The following KHDRBS2 variants were observed in gnomAD, a reference collection of about 807,000 sequenced individuals.
KHDRBS2 encodes KH domain-containing, RNA-binding, signal transduction-associated protein 2.
KHDRBS2 carries 26 observed loss-of-function variants against 44.3 expected under a neutral mutation model. The observed-to-expected ratio is 0.59, with a 90% CI of 0.43 to 0.81. The LOEUF (loss-of-function observed/expected upper bound fraction) is 0.81. Among genes scored for constraint, KHDRBS2 ranks in the 40% least tolerant of loss-of-function variants. The pLI, the probability that KHDRBS2 is intolerant of heterozygous loss-of-function variation, is 0.00. For synonymous variants in KHDRBS2, 194 were observed against 151.1 expected, an observed-to-expected ratio of 1.28 and a Z score of -2.08; for missense variants, 476 against 433.1, an observed-to-expected ratio of 1.10 and a Z score of -0.88.
chr6:61,814,744 C>G (rs1309387976), intron 6 of KHDRBS2, among the ~76,000 whole-genome samples: 3 of 152,018 alleles, frequency 2.0e-5, no homozygotes, highest in Non-Finnish European at 4.4e-5. Flanking sequence ...AGTGAAAATA[C>G]AGTAGTCTCC....
chr6:61,893,327 G>A (rs1802329209), intron 6 of KHDRBS2, among the ~76,000 whole-genome samples: 1 of 152,204 alleles, frequency 6.6e-6, no homozygotes, highest in African/African-American at 2.4e-5. Flanking sequence ...CAACCATTGT[G>A]GAAGTTGGTG....
intron 4 of KHDRBS2, among the ~76,000 whole-genome samples, chr6:61,944,190 T>C (rs1226547471): frequency 2.0e-5 from 3 of 152,100 alleles, no homozygotes; most frequent in Non-Finnish European, 4.4e-5. Flanking sequence ...AATCATTATA[T>C]CAAAGGAATA....
At chr6:61,575,451 A>C in the KHDRBS2 span, among the ~76,000 whole-genome samples, 13 of 152,184 alleles carry the variant, frequency 8.5e-5, no homozygotes, top group Non-Finnish European at 1.2e-4. Context: ...AAAAATCAAA[A>C]ACTAATAGAT....
intron 2 of KHDRBS2, among the ~76,000 whole-genome samples, chr6:62,066,967 G>A (rs73758647): frequency 0.025 from 3,725 of 151,544 alleles, 164 homozygotes; most frequent in African/African-American, 0.084. Flanking sequence ...GTTTCTTAAG[G>A]TTAAATATTA....
chr6:61,725,761 G>A (rs141233340), intron 7 of KHDRBS2, among the ~76,000 whole-genome samples: 2 of 152,166 alleles, frequency 1.3e-5, no homozygotes, highest in East Asian at 1.9e-4. Flanking sequence ...TTTTATGCCT[G>A]AATAGACTAA....
chr6:61,614,826 C>T, the KHDRBS2 span, among the ~76,000 whole-genome samples: 1 of 152,114 alleles, frequency 6.6e-6, no homozygotes, highest in African/African-American at 2.4e-5. Flanking sequence ...GGCCCTGCAA[C>T]GTAAGAGCTC....
intron 6 of KHDRBS2, among the ~76,000 whole-genome samples, chr6:61,797,727 GT>G (rs1785585390): frequency 6.4e-5 from 1 of 15,574 alleles, no homozygotes; most frequent in South Asian, 2.3e-3. Context: ...ATGGTGTTTT[GT>G]GTGTGTGTGT....
rs558952182 is a variant in KHDRBS2, at chr6:62,176,639, T to C, written c.219+546A>G. 4.6e-4 allele frequency among the ~76,000 whole-genome samples: 70 copies of C among 151,338 alleles called. 1 individual carries two copies. The highest frequency in any genetic ancestry group is 1.6e-3 in the African/African-American group (67 of 41,482). ...GAATGCTATCTTTTATAATCAATGATCTATTGGTGAAAAAATAGTTTAAAG... is the reference window on the plus strand; with the variant it reads ...GAATGCTATCTTTTATAATCAATGACCTATTGGTGAAAAAATAGTTTAAAG... On this transcript the variant is annotated intron_variant, in intron 2 of 8. Transcript: ENST00000281156.
At chr6:62,129,834 A>C (rs1481358626) in intron 2 of KHDRBS2, among the ~76,000 whole-genome samples, 1 of 152,140 alleles carries the variant, frequency 6.6e-6, no homozygotes, top group African/African-American at 2.4e-5. Context: ...TTATTGGAGA[A>C]TGGTATTCTA....
intron 6 of KHDRBS2, among the ~76,000 whole-genome samples, chr6:61,844,409 T>C (rs1365674935): frequency 2.6e-5 from 4 of 152,168 alleles, no homozygotes; most frequent in Non-Finnish European, 4.4e-5. Flanking sequence ...TCCCATCCCA[T>C]ATTTTACTAA....
In KHDRBS2 at chr6:62,125,996, A is replaced by T. The variant is rs115024813; in HGVS notation, c.219+51189T>A. Reference sequence around the variant, plus strand: ...TAAAGGAGACTTTGTCTTGAAGCTTAGATACCAGCTCAGCCATAGCAGGGT... The same window carrying T: ...TAAAGGAGACTTTGTCTTGAAGCTTTGATACCAGCTCAGCCATAGCAGGGT... On this transcript the variant is annotated intron_variant, in intron 2 of 8. Transcript: ENST00000281156. Among the ~76,000 whole-genome samples the T allele has an allele frequency of 3.3e-3, 509 of 152,220 alleles. 6 individuals are homozygous for T. Among genetic ancestry groups the T allele is most frequent in the African/African-American group, 0.012 (493 of 41,550 alleles).
At chr6:62,179,037 C>A (rs1821721508) in intron 1 of KHDRBS2, among the ~76,000 whole-genome samples, 1 of 151,380 alleles carries the variant, frequency 6.6e-6, no homozygotes, top group Non-Finnish European at 1.5e-5. Context: ...GTTATTCTAT[C>A]TTTAACTAAC....
At chr6:62,149,506 G>T (rs1215131603) in intron 2 of KHDRBS2, among the ~76,000 whole-genome samples, 1 of 151,960 alleles carries the variant, frequency 6.6e-6, no homozygotes, top group Non-Finnish European at 1.5e-5. Context: ...CTGCTTCTTT[G>T]TCCATTCCCC....
the KHDRBS2 span, among the ~76,000 whole-genome samples, chr6:61,604,955 C>A: frequency 6.6e-6 from 1 of 152,062 alleles, no homozygotes; most frequent in Admixed American, 6.6e-5. Context: ...CAAGCAGTTT[C>A]TCAGGCTCTT....
chr6:62,148,102 G>T (rs1043679725), intron 2 of KHDRBS2, among the ~76,000 whole-genome samples: 1 of 151,984 alleles, frequency 6.6e-6, no homozygotes, highest in African/African-American at 2.4e-5. Flanking sequence ...CTTGACTTTG[G>T]AAATTAATAC....
chr6:62,009,574 G>A (rs1323912195), intron 3 of KHDRBS2, among the ~76,000 whole-genome samples: 3 of 152,160 alleles, frequency 2.0e-5, no homozygotes, highest in Non-Finnish European at 4.4e-5. Flanking sequence ...CATGGCAGCC[G>A]CTCCCATCAC....
At chr6:61,957,543 C>A (rs370294985) in intron 4 of KHDRBS2, among the ~76,000 whole-genome samples, 19 of 152,050 alleles carry the variant, frequency 1.2e-4, no homozygotes, top group African/African-American at 4.1e-4. Flanking sequence ...AGCTGTGGGA[C>A]GAAATAAGCC....
chr6:61,561,276 C>A, the KHDRBS2 span, among the ~76,000 whole-genome samples: 1 of 152,168 alleles, frequency 6.6e-6, no homozygotes, highest in South Asian at 2.1e-4. Flanking sequence ...GCCACAAGCA[C>A]CCCTGTGGCT....
intron 6 of KHDRBS2, among the ~76,000 whole-genome samples, chr6:61,775,589 C>T (rs1468406988): frequency 5.3e-5 from 8 of 151,856 alleles, no homozygotes; most frequent in South Asian, 2.1e-4. Flanking sequence ...TTACAAGGGA[C>T]GTGAAGGACC....
Sources: allele counts gnomAD v4.1 joint callset (sites outside exome capture counted in the v4.1 genomes callset), GRCh38; gene constraint gnomAD v4.1.1; transcripts MANE v1.5; gene names NCBI Gene and HGNC (gene_info 2026-07-23, HGNC 2026-07-21).